The following SLC35D1 variants were observed in gnomAD, a reference collection of about 807,000 sequenced individuals.
The protein encoded by SLC35D1 is nucleotide sugar transporter SLC35D1.
A neutral mutation model predicts 46.7 loss-of-function variants in SLC35D1; 31 were observed. The observed-to-expected ratio is 0.66, with a 90% CI of 0.50 to 0.90. The LOEUF (loss-of-function observed/expected upper bound fraction) is 0.90. Among genes scored for constraint, SLC35D1 ranks in the 40% least tolerant of loss-of-function variants. The pLI is 0.00. For missense variants in SLC35D1, 397 were observed against 426.2 expected (o/e 0.93, Z 0.60); for synonymous variants, 195 against 164.6 (o/e 1.18, Z -1.41).
At chr1:66,977,871 A>G in the SLC35D1 span, among the ~76,000 whole-genome samples, 3 of 152,178 alleles carry the variant, frequency 2.0e-5, no homozygotes, top group African/African-American at 4.8e-5. Context: ...TCCAGTAAAG[A>G]TGTTCTTAAA....
Position 67,004,117 on chromosome 1 carries a change from T to G in SLC35D1, c.*223A>C. On this transcript the variant is annotated 3_prime_UTR_variant, in exon 12 of 12. Coordinates refer to ENST00000235345, the MANE Select transcript of SLC35D1 (RefSeq NM_015139.3). ...TTAAAAAGCCCAGTACCTTTTCCAG[T>G]CTGATATAAATTAATTCAAACAACA... The G allele has an allele frequency of 2.0e-6, 1 of 504,218 alleles. No homozygotes were observed. 31.2% of individuals were successfully genotyped at this position (504,218 alleles called of 1,614,324 possible).
At chr1:67,018,585 T>C (rs1667733308) in intron 10 of SLC35D1, among the ~76,000 whole-genome samples, 1 of 152,194 alleles carries the variant, frequency 6.6e-6, no homozygotes, top group Non-Finnish European at 1.5e-5. Context: ...CTGTTAAACA[T>C]AAACATTTCT....
intron 10 of SLC35D1, among the ~76,000 whole-genome samples, chr1:67,014,992 T>C (rs1017167377): frequency 6.0e-5 from 9 of 151,252 alleles, no homozygotes; most frequent in Non-Finnish European, 8.8e-5. Flanking sequence ...ACTTATTTCC[T>C]AGGTTTTTCA....
chr1:67,045,842 G>C (rs1235480449), intron 7 of SLC35D1, among the ~76,000 whole-genome samples: 1 of 152,170 alleles, frequency 6.6e-6, no homozygotes, highest in Non-Finnish European at 1.5e-5. Flanking sequence ...AATTTCCAAT[G>C]TCACAGAAAA....
the SLC35D1 span, chr1:66,986,246 ATTAC>A: frequency 7.4e-7 from 1 of 1,349,556 alleles, no homozygotes; most frequent in Non-Finnish European, 9.5e-7. Context: ...GCTCTGTGTG[ATTAC>A]AGATAGGATT....
chr1:67,053,758 C>G, intron 1 of SLC35D1, 53 bp downstream of exon 1: 1 of 1,420,456 alleles, frequency 7.0e-7, no homozygotes, highest in Non-Finnish European at 9.2e-7. Flanking sequence ...GCCGCGCCGC[C>G]GCCGCCGCCC....
At chr1:67,044,631 CT>C (rs1219886290) in intron 7 of SLC35D1, among the ~76,000 whole-genome samples, 1 of 152,196 alleles carries the variant, frequency 6.6e-6, no homozygotes. Flanking sequence ...TTTATGTTTT[CT>C]TCCTCTTGCT....
At chr1:67,015,282 T>C (rs1300234519) in intron 10 of SLC35D1, among the ~76,000 whole-genome samples, 1 of 151,328 alleles carries the variant, frequency 6.6e-6, no homozygotes, top group Non-Finnish European at 1.5e-5. Context: ...TAAAAACGTA[T>C]AAAAATCTTG....
intron 8 of SLC35D1, among the ~76,000 whole-genome samples, chr1:67,033,758 G>T (rs1668069142): frequency 6.6e-6 from 1 of 152,076 alleles, no homozygotes; most frequent in Admixed American, 6.5e-5. Flanking sequence ...AGAAATCCTT[G>T]CCCAGTCCAA....
chr1:67,045,195 T>C (rs750804633), intron 7 of SLC35D1, among the ~76,000 whole-genome samples: 9 of 152,232 alleles, frequency 5.9e-5, no homozygotes, highest in Middle Eastern at 3.2e-3. Flanking sequence ...CCAAAACTTC[T>C]GTTTTTCTTT....
the SLC35D1 span, among the ~76,000 whole-genome samples, chr1:66,992,458 C>T: frequency 7.2e-5 from 11 of 152,292 alleles, no homozygotes; most frequent in Non-Finnish European, 1.2e-4. Flanking sequence ...AGCCCAGATG[C>T]GGTCCTTCTG....
At chr1:67,051,048 T>C (rs1645303239) in intron 4 of SLC35D1, among the ~76,000 whole-genome samples, 1 of 151,934 alleles carries the variant, frequency 6.6e-6, no homozygotes, top group South Asian at 2.1e-4. Flanking sequence ...AAGATAGGTG[T>C]GAATGAATGG....
Position 67,039,513 on chromosome 1 carries a change from G to GTGTGTGTGTA in SLC35D1, c.729+2722_729+2723insTACACACACA, listed in dbSNP as rs1668196912. On this transcript the variant is annotated intron_variant, in intron 8 of 11. Coordinates refer to ENST00000235345, the MANE Select transcript of SLC35D1 (RefSeq NM_015139.3). ...AAAAATTGTGTGTGTGTGTGTGTGT[G>GTGTGTGTGTA]TGTGTGTGCGCGCGTGGGGGGTATT... Among the ~76,000 whole-genome samples the GTGTGTGTGTA allele has an allele frequency of 2.0e-5, 3 of 151,912 alleles. No homozygotes were observed. In the South Asian group the frequency reaches 6.2e-4, roughly 32 times the overall value.
In SLC35D1 at chr1:67,047,656, C is replaced by T. The variant is rs563983193; in HGVS notation, c.534-289G>A. ...GCATTCAAAGCCAGATGACAACAAG[C>T]ACCAAATTACCATTAAGTACATCTG... On this transcript the variant is annotated intron_variant, in intron 6 of 11. Transcript: ENST00000235345. Among the ~76,000 whole-genome samples, 73 of 152,268 alleles carry T rather than the reference C, an allele frequency of 4.8e-4. 1 individual carries two copies. In the South Asian group the frequency reaches 0.014, roughly 30 times the overall value.
chr1:67,042,121 G>A (rs1180437863), intron 8 of SLC35D1, 115 bp downstream of exon 8: 1 of 1,001,538 alleles, frequency 1.0e-6, no homozygotes, highest in Non-Finnish European at 1.6e-6. Context: ...TAAATGCTCA[G>A]TTTTTGGTCA....
the SLC35D1 span, among the ~76,000 whole-genome samples, chr1:66,978,979 A>G: frequency 6.6e-6 from 1 of 152,252 alleles, no homozygotes; most frequent in African/African-American, 2.4e-5. Context: ...ACAGTTAAAA[A>G]TAAACAATAT....
At chr1:66,988,066 C>A in the SLC35D1 span, 1 of 152,172 alleles carries the variant, frequency 6.6e-6, no homozygotes, top group Non-Finnish European at 1.5e-5. Flanking sequence ...TAGGAGTGGG[C>A]ACTTGGAATA....
the SLC35D1 span, among the ~76,000 whole-genome samples, chr1:66,989,157 C>G: frequency 5.3e-5 from 8 of 152,132 alleles, no homozygotes; most frequent in Non-Finnish European, 1.2e-4. Context: ...TTATTTAGGA[C>G]TCATCCCTTT....
chr1:67,028,555 T>C (rs560837556), intron 8 of SLC35D1, among the ~76,000 whole-genome samples: 2 of 152,368 alleles, frequency 1.3e-5, no homozygotes, highest in South Asian at 2.1e-4. Context: ...TTATATCCTT[T>C]TGAGGAATTA....
Sources: allele counts gnomAD v4.1 joint callset (sites outside exome capture counted in the v4.1 genomes callset), GRCh38; gene constraint gnomAD v4.1.1; transcripts MANE v1.5; gene names NCBI Gene and HGNC (gene_info 2026-07-23, HGNC 2026-07-21).